The following UGT1A6 variants were observed in gnomAD, a reference collection of about 807,000 sequenced individuals.
The protein encoded by UGT1A6 is UDP glucuronosyltransferase family 1 member A6.
A neutral mutation model predicts 44.4 loss-of-function variants in UGT1A6; 32 were observed. The observed-to-expected ratio is 0.72, with a 90% CI of 0.54 to 0.97. UGT1A6 has a LOEUF of 0.97. UGT1A6 is among the 50% of genes least tolerant of loss of function. The pLI is 0.00. For missense variants in UGT1A6, 685 were observed against 661.9 expected (o/e 1.03, Z -0.38); for synonymous variants, 238 against 248.5 (o/e 0.96, Z 0.40).
chr2:233,712,373 T>C (rs1400109853), intron 1 of UGT1A6, among the ~76,000 whole-genome samples: 1 of 152,218 alleles, frequency 6.6e-6, no homozygotes, highest in Non-Finnish European at 1.5e-5. Flanking sequence ...GCAGCTTTTT[T>C]TATATTGACA....
Position 233,693,836 on chromosome 2 carries a change from A to C in UGT1A6, c.832A>C (p.Asn278His). ...MPNMVFIGGI[N>H]CKKRKDLSQE... ...CAACATGGTCTTCATTGGAGGTATC[A>C]ACTGTAAGAAGAGGAAAGACTTGTC... The change falls in exon 1 of 5, where the codon AAC becomes CAC. Residue 278 changes from asparagine to histidine, a missense_variant. Transcript: ENST00000305139. The C allele has an allele frequency of 6.2e-7, 1 of 1,614,182 alleles. No individual in the cohort carries two copies. The highest frequency in any genetic ancestry group is 8.5e-7 in the Non-Finnish European group (1 of 1,180,036).
chr2:233,738,894 A>C lies in UGT1A6; in HGVS notation c.862-28140A>C. ...TCCAGGGCATGTCAGAGACCTTTGC[A>C]GCAGACCCTCCCATCACAGGCCTGG... On this transcript the variant is annotated intron_variant, in intron 1 of 4. Transcript: ENST00000305139. 2 of 152,268 alleles carry C rather than the reference A, an allele frequency of 1.3e-5. 1 individual carries two copies. Among genetic ancestry groups the C allele is most frequent in the Non-Finnish European group, 2.9e-5 (2 of 68,064 alleles). 9.4% of individuals were successfully genotyped at this position (152,268 alleles called of 1,614,324 possible).
At chr2:233,743,189 T>C in intron 1 of UGT1A6, 3 of 374,868 alleles carry the variant, frequency 8.0e-6, no homozygotes, top group Non-Finnish European at 1.6e-5. Context: ...GGACTGGAAT[T>C]ACTTGGTGTC....
At chr2:233,751,042 C>T (rs1694623923) in intron 1 of UGT1A6, among the ~76,000 whole-genome samples, 1 of 151,808 alleles carries the variant, frequency 6.6e-6, no homozygotes, top group South Asian at 2.1e-4. Flanking sequence ...CACTGTGTGC[C>T]TGGAAAAGAC....
At chr2:233,717,878 G>T (rs2076613301) in intron 1 of UGT1A6, 1 of 454,744 alleles carries the variant, frequency 2.2e-6, no homozygotes, top group African/African-American at 2.0e-5. Context: ...TTGGAGAAAA[G>T]CCTGGCCATA....
intron 1 of UGT1A6, among the ~76,000 whole-genome samples, chr2:233,736,128 G>A (rs1042776014): frequency 2.0e-5 from 3 of 152,068 alleles, no homozygotes; most frequent in Non-Finnish European, 4.4e-5. Flanking sequence ...TCCATTCTCC[G>A]CATCACTTTC....
At chr2:233,724,335 G>C (rs2077226383) in intron 1 of UGT1A6, among the ~76,000 whole-genome samples, 1 of 147,976 alleles carries the variant, frequency 6.8e-6, no homozygotes, top group African/African-American at 2.5e-5. Flanking sequence ...CCAGGCGGGG[G>C]GCTGACCCCC....
intron 1 of UGT1A6, among the ~76,000 whole-genome samples, chr2:233,707,806 GAGGGCGTGCATA>G (rs1165429482): frequency 6.6e-6 from 1 of 152,162 alleles, no homozygotes; most frequent in East Asian, 1.9e-4. Context: ...TGCTGCGTTG[GAGGGCGTGCATA>G]TCATTAATTT....
intron 1 of UGT1A6, chr2:233,729,494 T>C (rs2077868084): frequency 6.2e-7 from 1 of 1,614,084 alleles, no homozygotes; most frequent in Non-Finnish European, 8.5e-7. Context: ...ATGTCTTTGG[T>C]CTATCATAGG....
At position 233,729,401 on chromosome 2, in the gene UGT1A6, A is replaced by T. The variant is rs1464724125; in HGVS notation, c.861+35536A>T. Reference sequence around the variant, plus strand: ...TGGACCCAGGATGAATTTGATCGCCATGTGCTGGGCCACACTCAACTGTAC... The same window carrying T: ...TGGACCCAGGATGAATTTGATCGCCTTGTGCTGGGCCACACTCAACTGTAC... On this transcript the variant is annotated intron_variant, in intron 1 of 4. Coordinates refer to ENST00000305139, the MANE Select transcript of UGT1A6 (RefSeq NM_001072.4). 4.3e-6 allele frequency: 7 copies of T among 1,613,850 alleles called. No individual in the cohort carries two copies. Among genetic ancestry groups the T allele is most frequent in the East Asian group, 2.2e-5 (1 of 44,882 alleles).
At position 233,769,465 on chromosome 2, in the gene UGT1A6, G is replaced by A. The variant is rs34036745; in HGVS notation, c.1301+1026G>A. On this transcript the variant is annotated intron_variant, in intron 4 of 4. Coordinates refer to ENST00000305139, the MANE Select transcript of UGT1A6 (RefSeq NM_001072.4). The surrounding 1 kb of genome is among the most constrained non-coding windows in gnomAD (Gnocchi z 4.4). The stretch of plus-strand genomic sequence containing the variant: ...GGTGCACACGTGTGCATTCATATGC[G>A]TGTGTGTGTGTGTGCGTGTGTTTAT... The A allele has an allele frequency of 1.9e-4, 256 of 1,316,538 alleles. No homozygotes were observed. Among genetic ancestry groups the A allele is most frequent in the Non-Finnish European group, 2.3e-4 (217 of 963,564 alleles). The allele number at this position is 1,316,538 out of a possible 1,614,324, so 81.6% of individuals were successfully genotyped here.
At chr2:233,705,712 T>A (rs2125601451) in intron 1 of UGT1A6, among the ~76,000 whole-genome samples, 1 of 152,350 alleles carries the variant, frequency 6.6e-6, no homozygotes, top group Admixed American at 6.5e-5. Flanking sequence ...ACCAGTATAT[T>A]GTTATCTTTT....
intron 4 of UGT1A6, chr2:233,770,235 A>G (rs930818021): frequency 6.6e-6 from 1 of 152,226 alleles, no homozygotes; most frequent in Non-Finnish European, 1.5e-5. Flanking sequence ...GTGAATCTCC[A>G]TGATTCCAAC....
intron 1 of UGT1A6, among the ~76,000 whole-genome samples, chr2:233,740,081 G>A (rs375117222): frequency 1.3e-5 from 2 of 151,740 alleles, no homozygotes; most frequent in African/African-American, 2.4e-5. Flanking sequence ...TCTGTCTCTC[G>A]CCTGCTGCCA....
chr2:233,754,382 C>A, intron 1 of UGT1A6: 2 of 288,814 alleles, frequency 6.9e-6, no homozygotes, highest in Non-Finnish European at 1.4e-5. Flanking sequence ...GAAAGACAAA[C>A]AGAGGTCCTA....
intron 1 of UGT1A6, among the ~76,000 whole-genome samples, chr2:233,764,774 A>C (rs1698642300): frequency 6.6e-6 from 1 of 152,202 alleles, no homozygotes; most frequent in African/African-American, 2.4e-5. Context: ...GAAGGAGTTC[A>C]GAAAAACCAT....
At chr2:233,704,603 G>T (rs1341445338) in intron 1 of UGT1A6, among the ~76,000 whole-genome samples, 1 of 152,070 alleles carries the variant, frequency 6.6e-6, no homozygotes, top group African/African-American at 2.4e-5. Context: ...AGAAGAGCAA[G>T]TATGTATTTA....
At chr2:233,741,369 G>A (rs190389633) in intron 1 of UGT1A6, among the ~76,000 whole-genome samples, 1 of 151,798 alleles carries the variant, frequency 6.6e-6, no homozygotes, top group East Asian at 1.9e-4. Context: ...CAATGAAACT[G>A]CCCATGCCTT....
At position 233,772,444 on chromosome 2, in the gene UGT1A6, T is replaced by C; in HGVS notation, c.1484T>C (p.Leu495Ser). 6.2e-7 allele frequency: 1 copy of C among 1,614,228 alleles called. No homozygotes were observed. Among genetic ancestry groups the C allele is most frequent in the South Asian group, 1.1e-5 (1 of 91,086 alleles). The change falls in exon 5 of 5, where the codon TTG (leucine) becomes TCG (serine). Residue 495 changes from leucine to serine, a missense_variant. Coordinates refer to ENST00000305139, the MANE Select transcript of UGT1A6 (RefSeq NM_001072.4). ...TCCTTGGACGTGATTGGTTTCCTCT[T>C]GGCCGTCGTGCTGACAGTGGCCTTC... ...YHSLDVIGFL[L>S]AVVLTVAFIT...
Sources: gnomAD v4.1 joint callset for allele counts (sites outside exome capture counted in the v4.1 genomes callset) on GRCh38, gnomAD v4.1.1 for gene constraint, Gnocchi (gnomAD v3.1) non-coding constraint, MANE v1.5 for transcripts, NCBI Gene and HGNC (gene_info 2026-07-23, HGNC 2026-07-21) for gene names.